Variants in SAMSN1 observed in about 807,000 individuals in gnomAD.
SAMSN1 encodes SAM domain, SH3 domain and nuclear localization signals 1.
Under a neutral mutation model 42.0 loss-of-function variants are expected in SAMSN1, and 31 were observed. That is an observed-to-expected ratio of 0.74 (90% CI 0.55 to 1.00). The LOEUF (loss-of-function observed/expected upper bound fraction) is 1.00. Ranked by LOEUF, SAMSN1 falls within the 50% of genes least tolerant of loss-of-function variation. The probability of loss-of-function intolerance (pLI) is 0.00; values close to 1 mark genes in which losing one functional copy is unlikely to be tolerated. For missense variants in SAMSN1, 464 were observed against 439.4 expected (o/e 1.06, Z -0.50); for synonymous variants, 178 against 151.9 (o/e 1.17, Z -1.26).
chr21:14,587,858 G>A (rs946758619), upstream of SAMSN1, among the ~76,000 whole-genome samples: 26 of 150,056 alleles, frequency 1.7e-4, no homozygotes, highest in East Asian at 5.9e-4. Context: ...ATGCTGGTGC[G>A]CTGCATTAGG....
intron 2 of SAMSN1, among the ~76,000 whole-genome samples, chr21:14,580,335 C>T (rs1981663485): frequency 6.6e-6 from 1 of 152,132 alleles, no homozygotes; most frequent in African/African-American, 2.4e-5. Context: ...TGATGAAATC[C>T]AGAAATGCCA....
chr21:14,559,999 T>G (rs1236028918), intron 2 of SAMSN1, among the ~76,000 whole-genome samples: 1 of 152,164 alleles, frequency 6.6e-6, no homozygotes, highest in African/African-American at 2.4e-5. Flanking sequence ...CTGTCAGGTG[T>G]CCAAAGACGG....
intron 2 of SAMSN1, among the ~76,000 whole-genome samples, chr21:14,621,367 C>T (rs1328638149): frequency 6.6e-6 from 1 of 152,190 alleles, no homozygotes; most frequent in Admixed American, 6.5e-5. Flanking sequence ...CTGGGAAGCA[C>T]AAGGGACCAG....
intron 1 of SAMSN1, among the ~76,000 whole-genome samples, chr21:14,646,516 A>T (rs1983716653): frequency 6.6e-6 from 1 of 152,200 alleles, no homozygotes; most frequent in Non-Finnish European, 1.5e-5. Context: ...GAAATGCTAA[A>T]GGGAGTACTT....
upstream of SAMSN1, among the ~76,000 whole-genome samples, chr21:14,587,868 G>A (rs1007448747): frequency 6.7e-5 from 10 of 150,034 alleles, no homozygotes; most frequent in South Asian, 1.9e-3. Flanking sequence ...GCTGCATTAG[G>A]TATATCTCCC....
chr21:14,493,881 G>A (rs1325742786), intron 7 of SAMSN1, among the ~76,000 whole-genome samples: 1 of 152,006 alleles, frequency 6.6e-6, no homozygotes, highest in Admixed American at 6.6e-5. Flanking sequence ...GGTCTTGCTG[G>A]GATTGCAGAA....
At chr21:14,517,140 G>C in intron 2 of SAMSN1, 99 bp from the exon 3 acceptor site, 2 of 1,170,108 alleles carry the variant, frequency 1.7e-6, no homozygotes, top group Non-Finnish European at 2.4e-6. Context: ...TGTGGATTTT[G>C]CATGCATTCT....
chr21:14,598,574 G>A (rs1052523634), intron 6 of SAMSN1, among the ~76,000 whole-genome samples: 1 of 152,172 alleles, frequency 6.6e-6, no homozygotes, highest in African/African-American at 2.4e-5. Context: ...TAACTATGCA[G>A]AAATATACGT....
At chr21:14,627,283 A>AG (rs964948197) in intron 2 of SAMSN1, among the ~76,000 whole-genome samples, 1 of 151,650 alleles carries the variant, frequency 6.6e-6, no homozygotes, top group African/African-American at 2.4e-5. Context: ...TAATGAAAAA[A>AG]AAAGCAATAT....
At chr21:14,614,130 T>G (rs1196193643) in intron 3 of SAMSN1, among the ~76,000 whole-genome samples, 1 of 152,216 alleles carries the variant, frequency 6.6e-6, no homozygotes, top group East Asian at 1.9e-4. Flanking sequence ...GACTGTATAT[T>G]TGGCAATTTA....
At chr21:14,547,983 C>T (rs1030216970), upstream of SAMSN1, among the ~76,000 whole-genome samples, 1 of 152,014 alleles carries the variant, frequency 6.6e-6, no homozygotes, top group African/African-American at 2.4e-5. Context: ...ACTGGAAAAC[C>T]TGAGAATGTT....
Position 14,500,741 on chromosome 21 carries a change from G to A in SAMSN1, c.562-6C>T, listed in dbSNP as rs1170972056. 1 of 1,604,050 alleles carries A rather than the reference G, an allele frequency of 6.2e-7. No homozygotes were observed. The highest frequency in any genetic ancestry group is 8.5e-7 in the Non-Finnish European group (1 of 1,171,188). Reference sequence around the variant, plus strand: ...ATGTCTATGATGTCTCCTTTCTAAGGGCAAAGAAATCCATACACATTAGAT... The same window carrying A: ...ATGTCTATGATGTCTCCTTTCTAAGAGCAAAGAAATCCATACACATTAGAT... On this transcript the variant is annotated splice_polypyrimidine_tract_variant and splice_region_variant and intron_variant, in intron 5 of 7. Transcript: ENST00000400566.
chr21:14,605,801 AAAG>A (rs1298440521), intron 5 of SAMSN1, among the ~76,000 whole-genome samples: 7 of 149,858 alleles, frequency 4.7e-5, no homozygotes, highest in African/African-American at 7.4e-5. Flanking sequence ...AGCCATATGT[AAAG>A]AAGATTTATT....
intron 2 of SAMSN1, chr21:14,616,027 AAATAAAATG>A: frequency 1.7e-6 from 1 of 594,544 alleles, no homozygotes. Context: ...CTGTAAAATA[AAATAAAATG>A]AATAAAATAA....
rs180936554 is a variant in SAMSN1, at chr21:14,543,754, A to G, written c.57+2451T>C. ...TTATATTGTCAGTTTTTACCCTACTATAGGATTTACAATTTAAAAAAAAAC... is the reference window on the plus strand; with the variant it reads ...TTATATTGTCAGTTTTTACCCTACTGTAGGATTTACAATTTAAAAAAAAAC... On this transcript the variant is annotated intron_variant, in intron 1 of 7. Transcript: ENST00000400566. 5.3e-5 allele frequency among the ~76,000 whole-genome samples: 8 copies of G among 152,266 alleles called. No homozygotes were observed. The East Asian group carries it at 1.4e-3, about 26-fold the overall frequency.
intron 5 of SAMSN1, among the ~76,000 whole-genome samples, chr21:14,510,013 C>T (rs1014185797): frequency 6.6e-6 from 1 of 152,026 alleles, no homozygotes; most frequent in Non-Finnish European, 1.5e-5. Context: ...GTGGCGGGCG[C>T]CTGTAGTCCC....
chr21:14,622,034 C>T (rs1350144601), intron 2 of SAMSN1, among the ~76,000 whole-genome samples: 4 of 152,206 alleles, frequency 2.6e-5, no homozygotes, highest in African/African-American at 9.7e-5. Flanking sequence ...GGACCTCCAG[C>T]AAACACCAAC....
upstream of SAMSN1, among the ~76,000 whole-genome samples, chr21:14,586,325 A>G (rs1981918478): frequency 1.3e-5 from 2 of 151,764 alleles, no homozygotes; most frequent in African/African-American, 4.8e-5. Flanking sequence ...TCAAATAATA[A>G]CCCTATTTAT....
chr21:14,565,769 C>G (rs1026980676), intron 2 of SAMSN1, among the ~76,000 whole-genome samples: 1 of 152,126 alleles, frequency 6.6e-6, no homozygotes, highest in Admixed American at 6.6e-5. Context: ...TTCCGTTATA[C>G]CATGCTACAT....
Sources: allele counts gnomAD v4.1 joint callset (sites outside exome capture counted in the v4.1 genomes callset), GRCh38; gene constraint gnomAD v4.1.1; transcripts MANE v1.5; gene names NCBI Gene and HGNC (gene_info 2026-07-23, HGNC 2026-07-21).